Variants in PRMT8 observed in about 807,000 individuals in gnomAD.
The protein encoded by PRMT8 is protein arginine N-methyltransferase 8.
PRMT8 carries 7 observed loss-of-function variants against 47.1 expected under a neutral mutation model. The observed-to-expected ratio is 0.15, with a 90% CI of 0.08 to 0.28. The LOEUF (loss-of-function observed/expected upper bound fraction) is 0.28. Among genes scored for constraint, PRMT8 ranks in the 10% least tolerant of loss-of-function variants. The pLI is 1.00. For missense variants in PRMT8, 237 were observed against 505.4 expected (o/e 0.47, Z 5.09); for synonymous variants, 188 against 186.5 (o/e 1.01, Z -0.07).
At chr12:3,524,887 T>C (rs1476521525) in intron 1 of PRMT8, among the ~76,000 whole-genome samples, 1 of 152,116 alleles carries the variant, frequency 6.6e-6, no homozygotes, top group African/African-American at 2.4e-5. Context: ...ATTGTTTGGG[T>C]TTAAATGGGT....
At chr12:3,543,776 A>G (rs1235314071) in intron 2 of PRMT8, among the ~76,000 whole-genome samples, 1 of 152,112 alleles carries the variant, frequency 6.6e-6, no homozygotes, top group Non-Finnish European at 1.5e-5. Context: ...TAGCCTTCCA[A>G]TTTAGGCCTC....
intron 1 of PRMT8, chr12:3,469,021 G>T: frequency 2.7e-6 from 1 of 368,120 alleles, no homozygotes; most frequent in South Asian, 2.5e-5. Context: ...TTCACTGCAT[G>T]AACTGTGCAC....
chr12:3,491,746 C>T (rs766289314), intron 1 of PRMT8, 46 bp downstream of exon 1: 80 of 1,566,620 alleles, frequency 5.1e-5, no homozygotes, highest in Non-Finnish European at 6.4e-5. Context: ...CCGCCGCCCA[C>T]CCGGACCACC....
At chr12:3,495,479 A>T (rs1351039077) in intron 1 of PRMT8, among the ~76,000 whole-genome samples, 2 of 152,144 alleles carry the variant, frequency 1.3e-5, no homozygotes, top group African/African-American at 4.8e-5. Flanking sequence ...AATCTTTTTC[A>T]ACCTGCAAGA....
chr12:3,402,059 C>T (rs1465976750), intron 1 of PRMT8, among the ~76,000 whole-genome samples: 1 of 152,194 alleles, frequency 6.6e-6, no homozygotes, highest in Non-Finnish European at 1.5e-5. Flanking sequence ...CTGGAGGCAT[C>T]ACCCTACCCA....
At chr12:3,441,490 C>T (rs1438858860) in intron 1 of PRMT8, among the ~76,000 whole-genome samples, 3 of 152,346 alleles carry the variant, frequency 2.0e-5, no homozygotes, top group Admixed American at 6.5e-5. Flanking sequence ...GCTTACTGCC[C>T]GCGTGGCCAT....
At chr12:3,389,847 G>A (rs1864175726) in intron 1 of PRMT8, among the ~76,000 whole-genome samples, 1 of 152,244 alleles carries the variant, frequency 6.6e-6, no homozygotes, top group South Asian at 2.1e-4. Flanking sequence ...GGGAAGCAAG[G>A]GAAGGGCAGA....
chr12:3,585,367 T>C (rs1867148596), intron 8 of PRMT8, among the ~76,000 whole-genome samples: 1 of 135,746 alleles, frequency 7.4e-6, no homozygotes. Context: ...TTTTTTTTTT[T>C]TTTTTCTCAG....
At chr12:3,573,393 T>G (rs1866884675) in intron 6 of PRMT8, among the ~76,000 whole-genome samples, 1 of 152,258 alleles carries the variant, frequency 6.6e-6, no homozygotes, top group Non-Finnish European at 1.5e-5. Flanking sequence ...ACTGTCCACC[T>G]TTTCCACTAG....
intron 1 of PRMT8, among the ~76,000 whole-genome samples, chr12:3,529,492 C>T (rs2137151309): frequency 6.6e-6 from 1 of 152,266 alleles, no homozygotes; most frequent in East Asian, 1.9e-4. Context: ...TACCCAGTGG[C>T]TGACGTTATT....
chr12:3,410,170 G>A (rs1315038790), intron 1 of PRMT8, among the ~76,000 whole-genome samples: 2 of 152,214 alleles, frequency 1.3e-5, no homozygotes, highest in Non-Finnish European at 2.9e-5. Flanking sequence ...CATCTGCCAT[G>A]TGCAGTTACA....
intron 1 of PRMT8, among the ~76,000 whole-genome samples, chr12:3,531,945 G>A (rs1479577659): frequency 6.6e-6 from 1 of 152,188 alleles, no homozygotes; most frequent in Admixed American, 6.5e-5. Context: ...GAGGAAGAGA[G>A]AAGGCCTGAA....
At chr12:3,590,891 G>C (rs1867284327) in intron 8 of PRMT8, among the ~76,000 whole-genome samples, 1 of 152,150 alleles carries the variant, frequency 6.6e-6, no homozygotes, top group Non-Finnish European at 1.5e-5. Flanking sequence ...GGCTGGCCCG[G>C]TCCCTGCCCT....
chr12:3,568,079 A>G (rs1454395970), intron 4 of PRMT8, among the ~76,000 whole-genome samples: 3 of 152,140 alleles, frequency 2.0e-5, no homozygotes, highest in Non-Finnish European at 4.4e-5. Flanking sequence ...TCTCAAAAAA[A>G]AAAAAAAAAT....
intron 4 of PRMT8, among the ~76,000 whole-genome samples, chr12:3,555,453 A>G (rs963345926): frequency 1.3e-5 from 2 of 152,220 alleles, no homozygotes; most frequent in African/African-American, 4.8e-5. Context: ...CCAGAAACAC[A>G]AAGAAGATCA....
intron 1 of PRMT8, among the ~76,000 whole-genome samples, chr12:3,513,197 G>A (rs1865739289): frequency 6.6e-6 from 1 of 152,148 alleles, no homozygotes; most frequent in South Asian, 2.1e-4. Context: ...TATCTTGCTA[G>A]TTTCTTAACG....
chr12:3,545,102 C>A (rs1866304883), intron 2 of PRMT8, among the ~76,000 whole-genome samples: 1 of 152,216 alleles, frequency 6.6e-6, no homozygotes, highest in South Asian at 2.1e-4. Context: ...TTTCGTGAAA[C>A]TTACTACATT....
chr12:3,486,767 G>C (rs1432601871), upstream of PRMT8, among the ~76,000 whole-genome samples: 2 of 152,182 alleles, frequency 1.3e-5, no homozygotes, highest in Non-Finnish European at 2.9e-5. Flanking sequence ...TATAAATGCA[G>C]AAGTATTATA....
chr12:3,526,103 A>G (rs1200340489), intron 1 of PRMT8, among the ~76,000 whole-genome samples: 1 of 152,064 alleles, frequency 6.6e-6, no homozygotes, highest in Non-Finnish European at 1.5e-5. Flanking sequence ...TACCTTTTAT[A>G]GGTATAGTCT....
Sources: allele counts gnomAD v4.1 joint callset (sites outside exome capture counted in the v4.1 genomes callset), GRCh38; gene constraint gnomAD v4.1.1; transcripts MANE v1.5; gene names NCBI Gene and HGNC (gene_info 2026-07-23, HGNC 2026-07-21).